TSHR: variants seen among roughly 807,000 people sequenced by gnomAD.
TSHR encodes the protein thyroid stimulating hormone receptor.
TSHR carries 51 observed loss-of-function variants against 64.1 expected under a neutral mutation model. The ratio of observed to expected loss-of-function variants is 0.80; its 90% CI spans 0.64 to 1.01. The LOEUF is 1.01. Ranked by LOEUF, TSHR falls within the 50% of genes least tolerant of loss-of-function variation. The pLI, the probability that TSHR is intolerant of heterozygous loss-of-function variation, is 0.00. For missense variants in TSHR, 877 were observed against 942.8 expected, an observed-to-expected ratio of 0.93 and a Z score of 0.91; for synonymous variants, 361 against 361.9, an observed-to-expected ratio of 1.00 and a Z score of 0.03.
At chr14:81,108,694 C>G (rs1890078576) in intron 8 of TSHR, 1 of 1,613,786 alleles carries the variant, frequency 6.2e-7, no homozygotes, top group Non-Finnish European at 8.5e-7. Context: ...CCTGCTAAGG[C>G]AGCCACCTTG....
chr14:81,134,386 T>C (rs1891370263), intron 8 of TSHR, among the ~76,000 whole-genome samples: 1 of 152,134 alleles, frequency 6.6e-6, no homozygotes, highest in Non-Finnish European at 1.5e-5. Context: ...TCCACCCGCC[T>C]CAGCCTCCCA....
At chr14:80,974,057 C>G (rs746570899) in intron 1 of TSHR, among the ~76,000 whole-genome samples, 18 of 152,176 alleles carry the variant, frequency 1.2e-4, no homozygotes, top group South Asian at 2.1e-4. Flanking sequence ...TTATACGGAG[C>G]TCATGAGCTA....
intron 1 of TSHR, among the ~76,000 whole-genome samples, chr14:80,967,555 G>T (rs905076033): frequency 6.6e-6 from 1 of 152,026 alleles, no homozygotes; most frequent in Non-Finnish European, 1.5e-5. Context: ...AAAATGCTGG[G>T]ATTACAAGTG....
At chr14:81,034,562 AT>A (rs1884526049) in intron 1 of TSHR, among the ~76,000 whole-genome samples, 1 of 152,132 alleles carries the variant, frequency 6.6e-6, no homozygotes, top group African/African-American at 2.4e-5. Context: ...GTTTTCTCAT[AT>A]TTTTTTCTTC....
intron 1 of TSHR, among the ~76,000 whole-genome samples, chr14:80,999,118 G>A (rs1315677541): frequency 6.6e-6 from 1 of 152,148 alleles, no homozygotes; most frequent in Non-Finnish European, 1.5e-5. Context: ...TAGAGACTTG[G>A]ATATCGTGTA....
chr14:81,113,185 G>A (rs1036238535), intron 8 of TSHR, among the ~76,000 whole-genome samples: 2 of 152,182 alleles, frequency 1.3e-5, no homozygotes, highest in Non-Finnish European at 2.9e-5. Context: ...TTTGCACTAA[G>A]ACAGCAGCAG....
At chr14:80,956,687 A>C (rs1886711900) in intron 1 of TSHR, among the ~76,000 whole-genome samples, 1 of 152,230 alleles carries the variant, frequency 6.6e-6, no homozygotes, top group South Asian at 2.1e-4. Context: ...TAAGATAAAA[A>C]AAAATGCAGG....
At chr14:81,124,049 A>G (rs1323326142) in intron 8 of TSHR, among the ~76,000 whole-genome samples, 1 of 152,154 alleles carries the variant, frequency 6.6e-6, no homozygotes, top group Non-Finnish European at 1.5e-5. Flanking sequence ...AGCATTTAGC[A>G]TATTGTTGAG....
At chr14:81,084,982 GAC>G in intron 3 of TSHR, among the ~76,000 whole-genome samples, 1 of 152,080 alleles carries the variant, frequency 6.6e-6, no homozygotes, top group East Asian at 1.9e-4. Flanking sequence ...GATTGATTGA[GAC>G]AGAGTCTTGC....
chr14:81,133,292 C>A (rs10129844), intron 8 of TSHR, among the ~76,000 whole-genome samples: 3,369 of 152,218 alleles, frequency 0.022, 132 homozygotes, highest in African/African-American at 0.077. Flanking sequence ...GGTGAGAGCC[C>A]ATCCATGGTC....
chr14:80,971,952 G>T (rs1887609814), intron 1 of TSHR, among the ~76,000 whole-genome samples: 1 of 152,274 alleles, frequency 6.6e-6, no homozygotes, highest in South Asian at 2.1e-4. Flanking sequence ...TGGTTCCTGA[G>T]ACATTAAAGT....
chr14:81,062,324 G>A, intron 2 of TSHR, 105 bp downstream of exon 2: 3 of 791,248 alleles, frequency 3.8e-6, no homozygotes, highest in Middle Eastern at 2.9e-4. Flanking sequence ...TAAATCAATG[G>A]CAGTTATATT....
intron 1 of TSHR, among the ~76,000 whole-genome samples, chr14:81,021,133 T>C (rs1479237772): frequency 1.3e-5 from 2 of 152,102 alleles, no homozygotes; most frequent in Non-Finnish European, 2.9e-5. Context: ...ACATGTAATA[T>C]GCTTGATTCA....
At chr14:81,053,767 C>G (rs1464336391) in intron 1 of TSHR, 5 of 152,158 alleles carry the variant, frequency 3.3e-5, no homozygotes. Context: ...CATGGATGTT[C>G]TTCATAGCAG....
At chr14:80,975,408 C>T (rs1343922440) in intron 1 of TSHR, among the ~76,000 whole-genome samples, 1 of 152,160 alleles carries the variant, frequency 6.6e-6, no homozygotes, top group African/African-American at 2.4e-5. Context: ...CCTCCCTCTC[C>T]TACTCTCTCA....
At chr14:81,128,387 T>C (rs1021685053) in intron 8 of TSHR, among the ~76,000 whole-genome samples, 1 of 152,208 alleles carries the variant, frequency 6.6e-6, no homozygotes, top group African/African-American at 2.4e-5. Flanking sequence ...AAATTCAGTA[T>C]TAACTAACTC....
intron 1 of TSHR, among the ~76,000 whole-genome samples, chr14:81,005,050 C>T (rs1889522477): frequency 6.6e-6 from 1 of 152,148 alleles, no homozygotes; most frequent in African/African-American, 2.4e-5. Flanking sequence ...TGCAGCAGAG[C>T]CTAGAGTTTG....
intron 1 of TSHR, chr14:81,050,086 G>A (rs1224983927): frequency 6.6e-6 from 1 of 152,124 alleles, no homozygotes; most frequent in African/African-American, 2.4e-5. Context: ...AATTTTTAAA[G>A]TAACATACAA....
At chr14:81,054,332 C>G (rs556544047) in intron 1 of TSHR, among the ~76,000 whole-genome samples, 10 of 152,278 alleles carry the variant, frequency 6.6e-5, no homozygotes, top group Non-Finnish European at 1.2e-4. Context: ...TCTTTTTCTT[C>G]CCAGTCTTGG....
Sources: allele counts gnomAD v4.1 joint callset (sites outside exome capture counted in the v4.1 genomes callset), GRCh38; gene constraint gnomAD v4.1.1; transcripts MANE v1.5; gene names NCBI Gene and HGNC (gene_info 2026-07-23, HGNC 2026-07-21).